TNFRSF19: variants seen among roughly 807,000 people sequenced by gnomAD.
TNFRSF19 encodes the protein tumor necrosis factor receptor superfamily member 19.
A neutral mutation model predicts 46.4 loss-of-function variants in TNFRSF19; 27 were observed. The ratio of observed to expected loss-of-function variants is 0.58; its 90% CI spans 0.43 to 0.80. TNFRSF19 has a LOEUF of 0.80. Ranked by LOEUF, TNFRSF19 falls within the 30% of genes least tolerant of loss-of-function variation. The pLI, the probability that TNFRSF19 is intolerant of heterozygous loss-of-function variation, is 0.00. For missense variants in TNFRSF19, 511 were observed against 530.8 expected, an observed-to-expected ratio of 0.96 and a Z score of 0.37; for synonymous variants, 204 against 205.0, an observed-to-expected ratio of 1.00 and a Z score of 0.04.
intron 6 of TNFRSF19, among the ~76,000 whole-genome samples, chr13:23,660,002 C>T (rs4770473): frequency 0.43 from 65,759 of 151,784 alleles, 14,869 homozygotes; most frequent in Middle Eastern, 0.53. Context: ...CTTGGTGTCT[C>T]AGCGTGGCAG....
chr13:23,614,611 G>C lies in TNFRSF19; in HGVS notation c.181-1256G>C, dbSNP rs145584019. 2.8e-3 allele frequency among the ~76,000 whole-genome samples: 425 copies of C among 152,134 alleles called. 2 individuals carry two copies. Among genetic ancestry groups the C allele is most frequent in the African/African-American group, 9.6e-3 (397 of 41,486 alleles). ...GCATGCCCAGCCTGCTGCCTGCATGGGTGCCCTTCTTGCTCTTAAGCCACT... is the reference window on the plus strand; with the variant it reads ...GCATGCCCAGCCTGCTGCCTGCATGCGTGCCCTTCTTGCTCTTAAGCCACT... On this transcript the variant is annotated intron_variant, in intron 3 of 9. Transcript: ENST00000248484.
chr13:23,652,609 C>T (rs755222575), intron 5 of TNFRSF19, among the ~76,000 whole-genome samples: 1 of 152,202 alleles, frequency 6.6e-6, no homozygotes, highest in African/African-American at 2.4e-5. Flanking sequence ...CTCTCTCATG[C>T]ATGGCCTGAT....
rs1292777738 is a variant in TNFRSF19 at position 23,616,077 on chromosome 13, A to T, written c.359+32A>T. ...TGGCCAGTTTCTTTCACTTGTAATT[A>T]TTTAATTAAGTAACTTTTAAAAAGG... On this transcript the variant is annotated intron_variant, in intron 4 of 9. Transcript: ENST00000248484. 1.9e-6 allele frequency: 3 copies of T among 1,555,602 alleles called. No homozygotes were observed. The South Asian group carries it at 3.6e-5, about 18-fold the overall frequency.
intron 3 of TNFRSF19, among the ~76,000 whole-genome samples, chr13:23,603,189 G>A (rs1258281185): frequency 2.0e-5 from 3 of 151,996 alleles, no homozygotes; most frequent in Admixed American, 6.6e-5. Flanking sequence ...CATTAGAAAT[G>A]CTGTGAACAA....
At chr13:23,628,398 C>T (rs1217727903) in intron 5 of TNFRSF19, among the ~76,000 whole-genome samples, 1 of 152,158 alleles carries the variant, frequency 6.6e-6, no homozygotes, top group Non-Finnish European at 1.5e-5. Context: ...GCCCTCTTGC[C>T]AGTTTAACAT....
At chr13:23,625,322 T>C (rs1381451047) in intron 4 of TNFRSF19, among the ~76,000 whole-genome samples, 1 of 134,748 alleles carries the variant, frequency 7.4e-6, no homozygotes, top group Non-Finnish European at 1.6e-5. Flanking sequence ...GCTGTGATTG[T>C]ATTCTTTTTT....
At chr13:23,631,931 T>C (rs1479817396) in intron 5 of TNFRSF19, among the ~76,000 whole-genome samples, 4 of 152,218 alleles carry the variant, frequency 2.6e-5, no homozygotes, top group Non-Finnish European at 5.9e-5. Flanking sequence ...AATGACTGCA[T>C]AATGAGACGC....
intron 1 of TNFRSF19, among the ~76,000 whole-genome samples, chr13:23,584,925 A>T (rs907934171): frequency 2.0e-5 from 3 of 152,224 alleles, no homozygotes; most frequent in Non-Finnish European, 4.4e-5. Context: ...AATAGCTAGA[A>T]GCCGGGGGTT....
intron 5 of TNFRSF19, among the ~76,000 whole-genome samples, chr13:23,640,137 TG>T (rs1184801197): frequency 1.3e-5 from 2 of 152,178 alleles, no homozygotes; most frequent in Non-Finnish European, 2.9e-5. Flanking sequence ...TGAGAGGCTC[TG>T]TTATAAAACA....
intron 5 of TNFRSF19, among the ~76,000 whole-genome samples, chr13:23,632,316 G>A (rs1006018905): frequency 2.5e-4 from 38 of 152,208 alleles, no homozygotes; most frequent in African/African-American, 8.9e-4. Context: ...TGAGGCAGCA[G>A]AGAAGGGGTG....
intron 5 of TNFRSF19, among the ~76,000 whole-genome samples, chr13:23,636,361 T>C (rs966714884): frequency 6.6e-6 from 1 of 152,238 alleles, no homozygotes; most frequent in Non-Finnish European, 1.5e-5. Context: ...ACAGGAAACA[T>C]GTCAGGGAGT....
chr13:23,595,850 C>A (rs1028532136), intron 3 of TNFRSF19, among the ~76,000 whole-genome samples: 4 of 152,154 alleles, frequency 2.6e-5, no homozygotes, highest in African/African-American at 7.2e-5. Flanking sequence ...ATGTTAAGGG[C>A]AGCCAGAGAG....
At chr13:23,597,910 G>A (rs7490757) in intron 3 of TNFRSF19, among the ~76,000 whole-genome samples, 11,659 of 152,064 alleles carry the variant, frequency 0.077, 572 homozygotes, top group East Asian at 0.19. Flanking sequence ...CAATCAAGTC[G>A]GCTTCATCCC....
In TNFRSF19 at chr13:23,629,002, C is replaced by A. The variant is rs1480018364; in HGVS notation, c.445+2210C>A. 2.0e-5 allele frequency among the ~76,000 whole-genome samples: 3 copies of A among 151,774 alleles called. No homozygotes were observed. In the South Asian group the frequency reaches 6.2e-4, roughly 31 times the overall value. On this transcript the variant is annotated intron_variant, in intron 5 of 9. Transcript: ENST00000248484. ...AGTTCTTGGCAGTAATTCCAGAACACAGCTAATCTCCTCAAAAGAGATTTT... is the reference window on the plus strand; with the variant it reads ...AGTTCTTGGCAGTAATTCCAGAACAAAGCTAATCTCCTCAAAAGAGATTTT...
rs370337019 is a variant in TNFRSF19, at chr13:23,667,988, C to T, written c.745C>T (p.Arg249Cys). 12 of 1,605,518 alleles carry T rather than the reference C, an allele frequency of 7.5e-6. No individual in the cohort carries two copies. In the Admixed American group the frequency reaches 1.7e-4, roughly 23 times the overall value. ...TGTGCTGTCTTCCCTAGGGCCGGTG[C>T]GCTTGCTCCCATCCATGTGCTGTGA... Reference protein sequence around the residue: ...RDSVQTCGPVRLLPSMCCEEA... With the variant: ...RDSVQTCGPVCLLPSMCCEEA... Residue 249 changes from arginine (R) to cysteine (C), a missense_variant, in exon 8 of 10, where the codon CGC (arginine) becomes TGC (cysteine). Around this residue, in one of 3 missense-constraint regions of TNFRSF19, gnomAD observed 376 missense variants for 372.7 expected, o/e 1.01. Transcript: ENST00000248484.
At chr13:23,654,094 T>G (rs1327145339) in intron 5 of TNFRSF19, among the ~76,000 whole-genome samples, 2 of 152,178 alleles carry the variant, frequency 1.3e-5, no homozygotes, top group African/African-American at 4.8e-5. Flanking sequence ...GAGCCAGGTT[T>G]TGGACAACAG....
intron 3 of TNFRSF19, among the ~76,000 whole-genome samples, chr13:23,594,879 G>C (rs1323273189): frequency 6.6e-6 from 1 of 152,204 alleles, no homozygotes; most frequent in Non-Finnish European, 1.5e-5. Context: ...GCTGGCATCT[G>C]GTGGGTGCCC....
chr13:23,612,208 G>A (rs1880956199), intron 3 of TNFRSF19, among the ~76,000 whole-genome samples: 1 of 152,168 alleles, frequency 6.6e-6, no homozygotes, highest in African/African-American at 2.4e-5. Flanking sequence ...TGTCACCATG[G>A]GTTGGAGGCT....
intron 5 of TNFRSF19, among the ~76,000 whole-genome samples, chr13:23,635,020 G>GC (rs1195638064): frequency 5.3e-5 from 8 of 152,110 alleles, no homozygotes; most frequent in African/African-American, 1.9e-4. Context: ...TTCTCAGCCT[G>GC]CCCTTCACAT....
Sources: gnomAD v4.1 joint callset for allele counts (sites outside exome capture counted in the v4.1 genomes callset) on GRCh38, gnomAD v4.1.1 for gene constraint, gnomAD v4.1.1 regional missense constraint, MANE v1.5 for transcripts, NCBI Gene and HGNC (gene_info 2026-07-23, HGNC 2026-07-21) for gene names.